PROM1: variants seen among roughly 807,000 people sequenced by gnomAD.
PROM1 encodes the protein prominin-1.
In PROM1, 105 loss-of-function variants were observed where a neutral mutation model predicts 116.9. The ratio of observed to expected loss-of-function variants is 0.90; its 90% CI spans 0.77 to 1.06. The LOEUF (loss-of-function observed/expected upper bound fraction) is 1.06. Among genes scored for constraint, PROM1 ranks in the 50% least tolerant of loss-of-function variants. The pLI is 0.00. For synonymous variants in PROM1, 393 were observed against 387.0 expected, an observed-to-expected ratio of 1.02 and a Z score of -0.18; for missense variants, 1,122 against 1,045.2, an observed-to-expected ratio of 1.07 and a Z score of -1.01.
In PROM1 at chr4:16,032,758, T is replaced by C. The variant is rs141449714; in HGVS notation, c.509+546A>G. On this transcript the variant is annotated intron_variant, in intron 5 of 27. Coordinates refer to ENST00000447510, the MANE Select transcript of PROM1 (RefSeq NM_006017.3). ...AGCAGACACTGCAGCAGAAATACCC[T>C]AAATCGTGAAGTGTGTTCCAGACTT... Among the ~76,000 whole-genome samples the C allele has an allele frequency of 5.7e-3, 864 of 152,370 alleles. 8 individuals carry two copies. Among genetic ancestry groups the C allele is most frequent in the African/African-American group, 0.02 (817 of 41,588 alleles).
chr4:16,026,584 C>T (rs1444312065), intron 5 of PROM1, among the ~76,000 whole-genome samples: 48 of 152,134 alleles, frequency 3.2e-4, no homozygotes, highest in Non-Finnish European at 4.4e-5. Context: ...CATATAATTA[C>T]GGGTAGGATG....
intron 1 of PROM1, among the ~76,000 whole-genome samples, chr4:16,078,627 C>T (rs1304393092): frequency 6.6e-6 from 1 of 152,178 alleles, no homozygotes; most frequent in South Asian, 2.1e-4. Context: ...GAGCTAGATA[C>T]ATACTTACTA....
intron 2 of PROM1, among the ~76,000 whole-genome samples, chr4:16,067,001 C>T (rs1310577805): frequency 6.6e-6 from 1 of 152,172 alleles, no homozygotes; most frequent in Non-Finnish European, 1.5e-5. Context: ...ATGAGTTTTT[C>T]AGTTTGGTTA....
rs1483216721 is a variant in PROM1, at chr4:16,000,647, C to T, written c.1455-28G>A. On this transcript the variant is annotated intron_variant, in intron 13 of 27. Coordinates refer to ENST00000447510, the MANE Select transcript of PROM1 (RefSeq NM_006017.3). ...GGAAAAAAATATAAAGTTAGTAATTCAACAAAGAATGATTCAATATTACCT... is the reference window on the plus strand; with the variant it reads ...GGAAAAAAATATAAAGTTAGTAATTTAACAAAGAATGATTCAATATTACCT... 2.7e-6 allele frequency: 4 copies of T among 1,507,314 alleles called. No individual in the cohort carries two copies. The South Asian group carries it at 3.6e-5, about 14-fold the overall frequency. The allele number at this position is 1,507,314 out of a possible 1,614,324, so 93.4% of individuals were successfully genotyped here. A position where few individuals can be genotyped will look rare whatever the true frequency, so the allele number is the denominator to read the frequency against.
At chr4:15,976,205 C>G (rs3796859) in intron 26 of PROM1, 120,426 of 444,478 alleles carry the variant, frequency 0.27, 18,372 homozygotes, top group South Asian at 0.31. Flanking sequence ...ACTAAAAGCC[C>G]AAGATGAAAT....
chr4:15,979,014 G>GGAAT (rs570977905), intron 26 of PROM1, among the ~76,000 whole-genome samples: 1 of 150,504 alleles, frequency 6.6e-6, no homozygotes, highest in African/African-American at 2.5e-5. Flanking sequence ...AAGGAAAGAA[G>GGAAT]GAAGGAAGGA....
chr4:16,081,368 A>C (rs1175900803), intron 1 of PROM1, among the ~76,000 whole-genome samples: 2 of 152,182 alleles, frequency 1.3e-5, no homozygotes, highest in Admixed American at 1.3e-4. Context: ...TTATACAAAA[A>C]TTAATTCAAG....
At chr4:16,005,199 G>C (rs1051096181) in intron 13 of PROM1, among the ~76,000 whole-genome samples, 1 of 152,052 alleles carries the variant, frequency 6.6e-6, no homozygotes, top group Non-Finnish European at 1.5e-5. Flanking sequence ...CTGGCCTCAA[G>C]TGATCTGCCT....
intron 6 of PROM1, 99 bp from the exon 7 acceptor site, chr4:16,024,457 AC>A (rs1730725853): frequency 4.1e-6 from 4 of 976,562 alleles, no homozygotes; most frequent in Non-Finnish European, 5.9e-6. Context: ...CTGAATCAGG[AC>A]ATTTTCAGGT....
chr4:15,987,153 G>T (rs1719640327), intron 20 of PROM1, among the ~76,000 whole-genome samples: 1 of 152,214 alleles, frequency 6.6e-6, no homozygotes, highest in African/African-American at 2.4e-5. Context: ...CGCTGGTGAA[G>T]GGGCAGGGTG....
intron 11 of PROM1, among the ~76,000 whole-genome samples, chr4:16,010,341 G>A (rs1404901917): frequency 6.6e-6 from 1 of 152,178 alleles, no homozygotes; most frequent in Non-Finnish European, 1.5e-5. Flanking sequence ...ACACTAATCA[G>A]TTAAAAGTCC....
intron 13 of PROM1, among the ~76,000 whole-genome samples, 170 bp downstream of exon 13, chr4:16,006,368 C>T (rs1725470817): frequency 1.3e-5 from 2 of 152,124 alleles, no homozygotes; most frequent in Non-Finnish European, 2.9e-5. Context: ...ACAGAAGTAC[C>T]CAAATCAAGG....
At chr4:15,997,167 G>A (rs916728025) in intron 15 of PROM1, among the ~76,000 whole-genome samples, 3 of 151,024 alleles carry the variant, frequency 2.0e-5, no homozygotes, top group Admixed American at 1.3e-4. Context: ...TTTCACCACT[G>A]AGCAAAAGCA....
At chr4:15,989,266 G>T (rs1720319336) in intron 19 of PROM1, among the ~76,000 whole-genome samples, 1 of 152,172 alleles carries the variant, frequency 6.6e-6, no homozygotes, top group Non-Finnish European at 1.5e-5. Context: ...AAAGAAGCCA[G>T]AAGGTGGTGA....
chr4:16,030,178 C>T (rs1732309929), intron 5 of PROM1, among the ~76,000 whole-genome samples: 2 of 152,048 alleles, frequency 1.3e-5, no homozygotes, highest in African/African-American at 4.8e-5. Flanking sequence ...CAAAAGGAAG[C>T]CATTAAAATA....
intron 4 of PROM1, among the ~76,000 whole-genome samples, chr4:16,035,022 C>G (rs1733648197): frequency 1.3e-5 from 2 of 152,310 alleles, no homozygotes; most frequent in African/African-American, 4.8e-5. Context: ...GTGCATCTGG[C>G]ACTTGAATAT....
At chr4:16,031,589 GAC>G (rs962864685) in intron 5 of PROM1, among the ~76,000 whole-genome samples, 1 of 152,096 alleles carries the variant, frequency 6.6e-6, no homozygotes, top group Non-Finnish European at 1.5e-5. Context: ...GATTTTTGGA[GAC>G]ACAGAGAAAG....
chr4:16,063,719 T>C (rs1359747234), intron 2 of PROM1, among the ~76,000 whole-genome samples: 1 of 152,196 alleles, frequency 6.6e-6, no homozygotes, highest in African/African-American at 2.4e-5. Flanking sequence ...AGAAAATCAA[T>C]AAAACTGCAC....
In PROM1 at chr4:16,058,424, G is replaced by C. The variant is rs569790389; in HGVS notation, c.220+17263C>G. Among the ~76,000 whole-genome samples the C allele has an allele frequency of 7.7e-4, 117 of 152,270 alleles. 1 individual carries two copies. The highest frequency in any genetic ancestry group is 2.8e-3 in the African/African-American group (116 of 41,562). The stretch of plus-strand genomic sequence containing the variant: ...ATGAAAAATGATGCCAACGCAGGTG[G>C]ATCACCTGAGGTCAGGAGTTCAAGA... On this transcript the variant is annotated intron_variant, in intron 2 of 27. Transcript: ENST00000447510.
Sources: gnomAD v4.1 joint callset for allele counts (sites outside exome capture counted in the v4.1 genomes callset) on GRCh38, gnomAD v4.1.1 for gene constraint, MANE v1.5 for transcripts, NCBI Gene and HGNC (gene_info 2026-07-23, HGNC 2026-07-21) for gene names.